The following EPHA6 variants were observed in gnomAD, a reference collection of about 807,000 sequenced individuals.
The protein encoded by EPHA6 is EPH receptor A6, also known as ephrin type-A receptor 6.
In EPHA6, 50 loss-of-function variants were observed where a neutral mutation model predicts 112.0. The observed-to-expected ratio is 0.45, with a 90% CI of 0.36 to 0.56. The LOEUF is 0.56. EPHA6 is among the 20% of genes least tolerant of loss of function. EPHA6 has a pLI of 0.00. For missense variants in EPHA6, 1,280 were observed against 1,417.4 expected (o/e 0.90, Z 1.56); for synonymous variants, 529 against 490.7 (o/e 1.08, Z -1.03).
At chr3:97,558,336 G>A (rs1041260225) in intron 11 of EPHA6, among the ~76,000 whole-genome samples, 1 of 151,952 alleles carries the variant, frequency 6.6e-6, no homozygotes, top group Non-Finnish European at 1.5e-5. Flanking sequence ...CAGCTACTGG[G>A]CTTCCAAAGA....
intron 2 of EPHA6, among the ~76,000 whole-genome samples, chr3:96,894,876 T>C (rs898963972): frequency 1.3e-5 from 2 of 152,094 alleles, no homozygotes; most frequent in Non-Finnish European, 2.9e-5. Context: ...TTCACAAGTG[T>C]TTAGTAGAAG....
At chr3:97,686,406 G>C (rs1184886773) in intron 14 of EPHA6, among the ~76,000 whole-genome samples, 1 of 152,118 alleles carries the variant, frequency 6.6e-6, no homozygotes, top group Non-Finnish European at 1.5e-5. Context: ...AAGAATTGGA[G>C]AGATAAACAG....
intron 14 of EPHA6, among the ~76,000 whole-genome samples, chr3:97,652,673 A>T (rs530633548): frequency 6.6e-6 from 1 of 152,134 alleles, no homozygotes; most frequent in East Asian, 1.9e-4. Flanking sequence ...GAGCTGTGAC[A>T]GCCCTCTTGC....
chr3:97,571,999 C>T (rs966464038), intron 11 of EPHA6, among the ~76,000 whole-genome samples: 1 of 152,072 alleles, frequency 6.6e-6, no homozygotes, highest in Admixed American at 6.5e-5. Flanking sequence ...TCCATTTTTA[C>T]TTTTTTCCCT....
rs956187915 is a variant in EPHA6, at chr3:97,252,436, C to T, written c.1606+8149C>T. Among the ~76,000 whole-genome samples the T allele has an allele frequency of 1.8e-4, 27 of 152,190 alleles. 1 individual carries two copies. The South Asian group carries it at 2.1e-3, about 12-fold the overall frequency. On this transcript the variant is annotated intron_variant, in intron 5 of 17. Coordinates refer to ENST00000389672, the MANE Select transcript of EPHA6 (RefSeq NM_001080448.3). The stretch of plus-strand genomic sequence containing the variant: ...ACACACATACACACACACACGCGCG[C>T]GCACGCACAGGCACACCCACACGAT...
intron 2 of EPHA6, among the ~76,000 whole-genome samples, chr3:96,898,966 T>G (rs532756662): frequency 2.0e-4 from 30 of 150,548 alleles, no homozygotes; most frequent in African/African-American, 6.8e-4. Flanking sequence ...AGGCGGAGCT[T>G]GCAGTGAGTT....
intron 1 of EPHA6, among the ~76,000 whole-genome samples, chr3:96,846,764 G>A (rs1030161326): frequency 4.6e-5 from 7 of 151,982 alleles, no homozygotes; most frequent in African/African-American, 1.7e-4. Context: ...GGTTTCCTAT[G>A]AAAGAAACTA....
chr3:96,952,576 T>C (rs184962890), intron 2 of EPHA6, among the ~76,000 whole-genome samples: 40 of 152,278 alleles, frequency 2.6e-4, no homozygotes, highest in Non-Finnish European at 4.1e-4. Context: ...TGCTCCAAAA[T>C]TGTGAGCAAA....
intron 13 of EPHA6, among the ~76,000 whole-genome samples, chr3:97,613,371 G>A (rs78014883): frequency 7.2e-4 from 110 of 152,270 alleles, no homozygotes; most frequent in African/African-American, 2.5e-3. Flanking sequence ...GGAGCCATCC[G>A]TGGCTCATAA....
chr3:97,530,257 A>G (rs1444888054), intron 10 of EPHA6, among the ~76,000 whole-genome samples: 4 of 152,042 alleles, frequency 2.6e-5, no homozygotes, highest in Non-Finnish European at 5.9e-5. Context: ...CAATAGAAAT[A>G]TGTTGAAAGT....
intron 10 of EPHA6, among the ~76,000 whole-genome samples, chr3:97,487,687 T>C (rs755989095): frequency 2.0e-5 from 3 of 152,196 alleles, no homozygotes; most frequent in Non-Finnish European, 2.9e-5. Context: ...TTTTTTTGTG[T>C]GTGTATCACT....
intron 12 of EPHA6, among the ~76,000 whole-genome samples, chr3:97,595,905 T>TTC (rs2093585182): frequency 7.2e-6 from 1 of 139,212 alleles, no homozygotes; most frequent in Non-Finnish European, 1.6e-5. Context: ...ATATTCTCTT[T>TTC]TTTTTTTTTT....
intron 10 of EPHA6, among the ~76,000 whole-genome samples, chr3:97,527,211 C>G (rs537654841): frequency 6.6e-6 from 1 of 152,056 alleles, no homozygotes; most frequent in Non-Finnish European, 1.5e-5. Flanking sequence ...CAAGCACAAA[C>G]GGAGCTGTAA....
chr3:97,720,279 A>C lies in EPHA6; in HGVS notation c.2803A>C (p.Arg935=), dbSNP rs1487576137. Residue 935 remains arginine, a synonymous_variant, in exon 15 of 18, where the codon AGG becomes CGG. Coordinates refer to ENST00000389672, the MANE Select transcript of EPHA6 (RefSeq NM_001080448.3). ...YTTTGGKIPI[R]WTAPEAIAYR... is the part of the protein sequence containing the mutation. The stretch of plus-strand genomic sequence containing the variant: ...TTTCCAGGGTGGAAAAATCCCCATA[A>C]GGTGGACAGCCCCAGAAGCCATCGC... 2 of 1,598,476 alleles carry C rather than the reference A, an allele frequency of 1.3e-6. No individual in the cohort carries two copies. The highest frequency in any genetic ancestry group is 1.7e-6 in the Non-Finnish European group (2 of 1,173,788).
At position 97,749,745 on chromosome 3, in the gene EPHA6, C is replaced by G. The variant is rs1576400980; in HGVS notation, c.*1044C>G. ...ACTTTATGATAGATACATGGTGGCC[C>G]AAGAAAATAAACAGACTTAGCTGAT... is the stretch of plus-strand genomic sequence containing the variant. On this transcript the variant is annotated 3_prime_UTR_variant, in exon 18 of 18. Coordinates refer to ENST00000389672, the MANE Select transcript of EPHA6 (RefSeq NM_001080448.3). Among the ~76,000 whole-genome samples, 1 of 151,950 alleles carries G rather than the reference C, an allele frequency of 6.6e-6. No individual in the cohort carries two copies. The highest frequency in any genetic ancestry group is 1.9e-4 in the East Asian group (1 of 5,186).
chr3:97,756,993 T>A lies in EPHA6; in HGVS notation c.*8292T>A, dbSNP rs903294653. On this transcript the variant is annotated 3_prime_UTR_variant, in exon 18 of 18. Coordinates refer to ENST00000389672, the MANE Select transcript of EPHA6 (RefSeq NM_001080448.3). Reference sequence around the variant, plus strand: ...AGTTTAATTTTGAATTTTGAAGGAATAATTTTTAACAGTCTTTGTTTCTTA... The same window carrying A: ...AGTTTAATTTTGAATTTTGAAGGAAAAATTTTTAACAGTCTTTGTTTCTTA... Among the ~76,000 whole-genome samples, 1 of 151,888 alleles carries A rather than the reference T, an allele frequency of 6.6e-6. No individual in the cohort carries two copies. Among genetic ancestry groups the A allele is most frequent in the Admixed American group, 6.6e-5 (1 of 15,258 alleles).
intron 10 of EPHA6, among the ~76,000 whole-genome samples, chr3:97,510,607 T>C (rs2092346517): frequency 1.3e-5 from 2 of 152,126 alleles, no homozygotes; most frequent in African/African-American, 4.8e-5. Context: ...AGCTCTGTTA[T>C]ATGGGGTGTC....
chr3:97,109,600 C>T (rs1384881233), intron 3 of EPHA6, among the ~76,000 whole-genome samples: 3 of 152,172 alleles, frequency 2.0e-5, no homozygotes, highest in East Asian at 1.9e-4. Flanking sequence ...TTATAAAGTA[C>T]AGAGTTGTTT....
At chr3:97,077,713 G>C (rs932686653) in intron 3 of EPHA6, among the ~76,000 whole-genome samples, 3 of 152,252 alleles carry the variant, frequency 2.0e-5, no homozygotes, top group East Asian at 1.9e-4. Context: ...TCCCTGCAAA[G>C]GACATGAACT....
Sources: gnomAD v4.1 joint callset for allele counts (sites outside exome capture counted in the v4.1 genomes callset) on GRCh38, gnomAD v4.1.1 for gene constraint, MANE v1.5 for transcripts, NCBI Gene and HGNC (gene_info 2026-07-23, HGNC 2026-07-21) for gene names.